Variants in CFAP53 observed in about 807,000 individuals in gnomAD.
CFAP53 encodes cilia and flagella associated protein 53, also known as cilia- and flagella-associated protein 53.
CFAP53 carries 62 observed loss-of-function variants against 59.7 expected under a neutral mutation model. The observed-to-expected ratio is 1.04, with a 90% CI of 0.85 to 1.28. CFAP53 has a LOEUF of 1.28. Among genes scored for constraint, CFAP53 ranks in the 50% most tolerant of loss-of-function variants. The pLI is 0.00. For missense variants in CFAP53, 629 were observed against 615.6 expected, an observed-to-expected ratio of 1.02 and a Z score of -0.23; for synonymous variants, 218 against 205.7, an observed-to-expected ratio of 1.06 and a Z score of -0.51.
Position 50,250,790 on chromosome 18 carries a change from G to C in CFAP53, c.964C>G (p.Gln322Glu). 6.2e-7 allele frequency: 1 copy of C among 1,614,166 alleles called. No homozygotes were observed. The highest frequency in any genetic ancestry group is 8.5e-7 in the Non-Finnish European group (1 of 1,180,010). Reference sequence around the variant, plus strand: ...TGTTTCTTTTTATCTGCCTCTTCCTGTAAGTCTTGAAGGGCCCTTTGCACG... The same window carrying C: ...TGTTTCTTTTTATCTGCCTCTTCCTCTAAGTCTTGAAGGGCCCTTTGCACG... ...KLVQRALQDL[Q>E]EEADKKKQKR... The change falls in exon 5 of 8, where the codon CAG (glutamine) becomes GAG (glutamate). Residue 322 changes from glutamine to glutamate, a missense_variant. Coordinates refer to ENST00000398545, the MANE Select transcript of CFAP53 (RefSeq NM_145020.5).
chr18:50,254,147 G>T (rs1181340643), intron 3 of CFAP53, among the ~76,000 whole-genome samples: 58 of 134,960 alleles, frequency 4.3e-4, no homozygotes, highest in African/African-American at 1.6e-3. Context: ...AAAAAAAAAA[G>T]ATAAGCTATA....
At chr18:50,229,867 C>G (rs2033562738) in intron 7 of CFAP53, among the ~76,000 whole-genome samples, 1 of 151,982 alleles carries the variant, frequency 6.6e-6, no homozygotes, top group African/African-American at 2.4e-5. Flanking sequence ...CCCACCTCAG[C>G]ATCCCAGGTA....
chr18:50,227,666 T>C, intron 7 of CFAP53, 57 bp from the exon 8 acceptor site: 1 of 1,252,784 alleles, frequency 8.0e-7, no homozygotes, highest in Non-Finnish European at 1.2e-6. Flanking sequence ...TTAGATTTAT[T>C]CAGAGCATTA....
At chr18:50,253,452 C>T (rs566360941) in intron 3 of CFAP53, among the ~76,000 whole-genome samples, 3 of 152,250 alleles carry the variant, frequency 2.0e-5, no homozygotes, top group Admixed American at 1.3e-4. Flanking sequence ...GTATCATCCC[C>T]ATCTTAGAGT....
At chr18:50,235,088 T>C (rs2033619685) in intron 7 of CFAP53, among the ~76,000 whole-genome samples, 1 of 152,128 alleles carries the variant, frequency 6.6e-6, no homozygotes, top group Admixed American at 6.5e-5. Flanking sequence ...TAAATGAAAC[T>C]TGTTGCTCTT....
chr18:50,244,521 G>A (rs1004740365), intron 5 of CFAP53, among the ~76,000 whole-genome samples: 2 of 152,130 alleles, frequency 1.3e-5, no homozygotes, highest in Non-Finnish European at 2.9e-5. Context: ...TGTGAAAACA[G>A]ATAAATACCA....
intron 1 of CFAP53, among the ~76,000 whole-genome samples, chr18:50,265,135 T>C (rs35975033): frequency 0.29 from 43,618 of 151,642 alleles, 7,124 homozygotes; most frequent in Non-Finnish European, 0.38. Context: ...TCTACCTAAG[T>C]TTTTTTTTGC....
intron 2 of CFAP53, 137 bp from the exon 3 acceptor site, chr18:50,261,374 G>T: frequency 9.7e-7 from 1 of 1,029,566 alleles, no homozygotes; most frequent in East Asian, 3.1e-5. Context: ...AATAAGACTG[G>T]TTGGTTTGTT....
At chr18:50,253,938 G>A (rs550226289) in intron 3 of CFAP53, among the ~76,000 whole-genome samples, 229 of 152,144 alleles carry the variant, frequency 1.5e-3, no homozygotes, top group African/African-American at 2.9e-3. Flanking sequence ...TTAATCTGGG[G>A]TCTAATCATT....
chr18:50,227,982 C>T (rs1461243436), intron 7 of CFAP53, among the ~76,000 whole-genome samples: 1 of 6,848 alleles, frequency 1.5e-4, no homozygotes, highest in Non-Finnish European at 4.3e-4. Flanking sequence ...TTTTTTGAGA[C>T]GGAGTCTCGC....
At chr18:50,238,123 CAGTT>C (rs1350711526) in intron 7 of CFAP53, among the ~76,000 whole-genome samples, 2 of 152,212 alleles carry the variant, frequency 1.3e-5, no homozygotes, top group Non-Finnish European at 1.5e-5. Flanking sequence ...TTTACCAAGA[CAGTT>C]GGTGCCTACT....
At chr18:50,230,267 G>A (rs548908610) in intron 7 of CFAP53, among the ~76,000 whole-genome samples, 7 of 152,310 alleles carry the variant, frequency 4.6e-5, no homozygotes, top group African/African-American at 1.7e-4. Context: ...CCCCTGGGTG[G>A]CCTCAGGATG....
chr18:50,228,528 T>C (rs978914596), intron 7 of CFAP53, among the ~76,000 whole-genome samples: 2 of 152,102 alleles, frequency 1.3e-5, no homozygotes, highest in African/African-American at 4.8e-5. Context: ...TGGTGGCTCA[T>C]GCATGTAATC....
At chr18:50,253,380 A>G (rs1340466958) in intron 3 of CFAP53, among the ~76,000 whole-genome samples, 1 of 152,250 alleles carries the variant, frequency 6.6e-6, no homozygotes, top group African/African-American at 2.4e-5. Context: ...TTCTAATGAT[A>G]ATAATCATTG....
At chr18:50,261,919 T>C in intron 2 of CFAP53, 71 bp downstream of exon 2, 2 of 1,230,808 alleles carry the variant, frequency 1.6e-6, no homozygotes, top group East Asian at 4.7e-5. Flanking sequence ...AATTTGATTT[T>C]TGACTGGTCA....
At chr18:50,251,087 T>C (rs1008842047) in intron 4 of CFAP53, 111 bp from the exon 5 acceptor site, 152 of 896,246 alleles carry the variant, frequency 1.7e-4, no homozygotes, top group Admixed American at 8.2e-5. Context: ...CACACACACC[T>C]GGATTTAGAG....
intron 7 of CFAP53, among the ~76,000 whole-genome samples, chr18:50,230,375 C>T (rs1323743642): frequency 6.6e-6 from 1 of 152,106 alleles, no homozygotes; most frequent in Non-Finnish European, 1.5e-5. Context: ...GGAGATGAAG[C>T]TCTAAAAACT....
chr18:50,230,199 T>C (rs999957479), intron 7 of CFAP53, among the ~76,000 whole-genome samples: 1 of 152,240 alleles, frequency 6.6e-6, no homozygotes, highest in Non-Finnish European at 1.5e-5. Context: ...GATAAAAGTA[T>C]CTTTTGTAAT....
intron 6 of CFAP53, among the ~76,000 whole-genome samples, chr18:50,240,693 C>T (rs1224539200): frequency 6.6e-6 from 1 of 152,212 alleles, no homozygotes; most frequent in Non-Finnish European, 1.5e-5. Context: ...AAAATCTTTT[C>T]AGCATATAAA....
Sources: allele counts gnomAD v4.1 joint callset (sites outside exome capture counted in the v4.1 genomes callset), GRCh38; gene constraint gnomAD v4.1.1; transcripts MANE v1.5; gene names NCBI Gene and HGNC (gene_info 2026-07-23, HGNC 2026-07-21).